The following CAPN11 variants were observed in gnomAD, a reference collection of about 807,000 sequenced individuals.
CAPN11 encodes the protein calpain 11, also known as calpain-11.
In CAPN11, 108 loss-of-function variants were observed where a neutral mutation model predicts 105.3. The observed-to-expected ratio is 1.03, with a 90% CI of 0.88 to 1.20. The LOEUF (loss-of-function observed/expected upper bound fraction) is 1.20. CAPN11 is among the 50% of genes most tolerant of loss of function. CAPN11 has a pLI of 0.00. For missense variants in CAPN11, 883 were observed against 924.8 expected (o/e 0.95, Z 0.59); for synonymous variants, 329 against 344.5 (o/e 0.96, Z 0.50).
At chr6:44,177,717 C>T in intron 12 of CAPN11, 1 of 285,724 alleles carries the variant, frequency 3.5e-6, no homozygotes, top group South Asian at 4.5e-5. Flanking sequence ...GAACTCATGA[C>T]CTCAGGTAAT....
At chr6:44,183,290 C>A in intron 21 of CAPN11, 55 bp downstream of exon 21, 2 of 1,084,186 alleles carry the variant, frequency 1.8e-6, no homozygotes, top group South Asian at 1.2e-5. Flanking sequence ...CGGGCCCTTT[C>A]CCAAACACCC....
At chr6:44,172,900 T>C in intron 5 of CAPN11, 40 bp from the exon 6 acceptor site, 1 of 1,602,146 alleles carries the variant, frequency 6.2e-7, no homozygotes, top group Non-Finnish European at 8.5e-7. Flanking sequence ...CGCTTGATGA[T>C]AGGGTTCCCA....
chr6:44,180,431 A>T (rs1296663083), intron 14 of CAPN11, 29 bp from the exon 15 acceptor site: 1 of 1,612,396 alleles, frequency 6.2e-7, no homozygotes, highest in Admixed American at 1.7e-5. Flanking sequence ...CCCCCTGGTA[A>T]CTCTTGAGCT....
intron 2 of CAPN11, among the ~76,000 whole-genome samples, chr6:44,167,187 T>C (rs1200091069): frequency 2.0e-5 from 3 of 152,038 alleles, no homozygotes; most frequent in Non-Finnish European, 4.4e-5. Flanking sequence ...CACTCCATTA[T>C]TTCCACTCTC....
In CAPN11 at chr6:44,184,319, CTGCT is replaced by C; in HGVS notation, c.*388_*391del. On this transcript the variant is annotated 3_prime_UTR_variant, in exon 23 of 23. Transcript: ENST00000398776. ...TGCTTGCTGTCCTGCTCACACCTAC[CTGCT>C]GACCACCCATCCTGGCACAGCCTCT... The C allele has an allele frequency of 4.0e-6, 1 of 252,854 alleles. No homozygotes were observed. The highest frequency in any genetic ancestry group is 7.7e-6 in the Non-Finnish European group (1 of 129,958). The allele number at this position is 252,854 out of a possible 1,614,324, so 15.7% of individuals were successfully genotyped here.
chr6:44,160,917 C>T (rs930895854), intron 1 of CAPN11, among the ~76,000 whole-genome samples: 10 of 152,174 alleles, frequency 6.6e-5, no homozygotes, highest in African/African-American at 2.2e-4. Context: ...AATTTATAAA[C>T]TAAACTTTAT....
chr6:44,184,139 T>C lies in CAPN11; in HGVS notation c.*207T>C. The C allele has an allele frequency of 6.8e-6, 4 of 586,102 alleles. No individual in the cohort carries two copies. Among genetic ancestry groups the C allele is most frequent in the Non-Finnish European group, 1.2e-5 (4 of 330,364 alleles). 36.3% of individuals were successfully genotyped at this position (586,102 alleles called of 1,614,324 possible). On this transcript the variant is annotated 3_prime_UTR_variant, in exon 23 of 23. Transcript: ENST00000398776. Reference sequence around the variant, plus strand: ...CTCCCCCAGCTCAGAGGCTTTCTCTTTTTTCCCCAACCCGGCTTCTGATGG... The same window carrying C: ...CTCCCCCAGCTCAGAGGCTTTCTCTCTTTTCCCCAACCCGGCTTCTGATGG...
At position 44,184,354 on chromosome 6, in the gene CAPN11, C is replaced by T; in HGVS notation, c.*422C>T. 4.5e-6 allele frequency: 1 copy of T among 220,202 alleles called. No individual in the cohort carries two copies. Among genetic ancestry groups the T allele is most frequent in the Middle Eastern group, 1.8e-3 (1 of 570 alleles). 13.6% of individuals were successfully genotyped at this position (220,202 alleles called of 1,614,324 possible). A position where few individuals can be genotyped will look rare whatever the true frequency, so the allele number is the denominator to read the frequency against. On this transcript the variant is annotated 3_prime_UTR_variant, in exon 23 of 23. Coordinates refer to ENST00000398776, the MANE Select transcript of CAPN11 (RefSeq NM_007058.4). ...CCCATCCTGGCACAGCCTCTGTTTTCCTCCCCATCTGTGGATACTATTCTA... is the reference window on the plus strand; with the variant it reads ...CCCATCCTGGCACAGCCTCTGTTTTTCTCCCCATCTGTGGATACTATTCTA...
chr6:44,180,409 C>A, intron 14 of CAPN11, 51 bp from the exon 15 acceptor site: 2 of 1,593,800 alleles, frequency 1.3e-6, no homozygotes, highest in South Asian at 1.1e-5. Context: ...CCACTAAAAC[C>A]CCCACCTCCC....
intron 7 of CAPN11, among the ~76,000 whole-genome samples, 169 bp downstream of exon 7, chr6:44,173,555 A>G (rs747540848): frequency 2.2e-5 from 3 of 138,940 alleles, no homozygotes; most frequent in Non-Finnish European, 4.6e-5. Flanking sequence ...TCCCCACCCT[A>G]TTTACTTTCT....
In CAPN11 at chr6:44,176,062, C is replaced by G. The variant is rs1312826256; in HGVS notation, c.832-6C>G. 3 of 1,603,560 alleles carry G rather than the reference C, an allele frequency of 1.9e-6. No homozygotes were observed. In the African/African-American group the frequency reaches 4.0e-5, roughly 21 times the overall value. On this transcript the variant is annotated splice_region_variant and splice_polypyrimidine_tract_variant and intron_variant, in intron 7 of 22. Coordinates refer to ENST00000398776, the MANE Select transcript of CAPN11 (RefSeq NM_007058.4). ...TCCATGCTCTCCCTCCCTCTCTGTT[C>G]TGTAGGTCACCAGTGATAGTGAACT...
intron 1 of CAPN11, among the ~76,000 whole-genome samples, chr6:44,165,487 G>A (rs1031775200): frequency 6.6e-6 from 1 of 152,216 alleles, no homozygotes; most frequent in African/African-American, 2.4e-5. Context: ...TCTGCACAGG[G>A]GCAGCCCCTA....
intron 3 of CAPN11, 105 bp downstream of exon 3, chr6:44,169,636 C>T: frequency 8.1e-7 from 1 of 1,229,812 alleles, no homozygotes; most frequent in Non-Finnish European, 1.1e-6. Flanking sequence ...CTACCCCATT[C>T]TGACCCTGGC....
Position 44,173,570 on chromosome 6 carries a change from G to GTT in CAPN11, c.831+192_831+193dup, listed in dbSNP as rs58916283. Among the ~76,000 whole-genome samples, 113 of 86,826 alleles carry GTT rather than the reference G, an allele frequency of 1.3e-3. 1 individual carries two copies. Among genetic ancestry groups the GTT allele is most frequent in the African/African-American group, 3.5e-3 (94 of 26,766 alleles). The allele number at this position is 86,826 out of a possible 152,430, so 57.0% of individuals were successfully genotyped here. A position where few individuals can be genotyped will look rare whatever the true frequency, so the allele number is the denominator to read the frequency against. On this transcript the variant is annotated intron_variant, in intron 7 of 22. Coordinates refer to ENST00000398776, the MANE Select transcript of CAPN11 (RefSeq NM_007058.4). ...TCCCCACCCTATTTACTTTCTTTTTGTTTTTTTTTGTTTGTTTGTTTTGTT... is the reference window on the plus strand; with the variant it reads ...TCCCCACCCTATTTACTTTCTTTTTGTTTTTTTTTTTGTTTGTTTGTTTTGTT...
chr6:44,172,305 A>ACTGCCGG lies in CAPN11; in HGVS notation c.417_418insCGGCTGC (p.Trp140ArgfsTer53), dbSNP rs1561844608. The ACTGCCGG allele has an allele frequency of 6.8e-7, 1 of 1,469,162 alleles. No homozygotes were observed. The allele number at this position is 1,469,162 out of a possible 1,614,324, so 91.0% of individuals were successfully genotyped here. Reference sequence around the variant, plus strand: ...AAAGCCCTGCCTGTCTTTCCAGGGGACTGCTGGCTGCTGGCTGCCATCGGC... The same window carrying ACTGCCGG: ...AAAGCCCTGCCTGTCTTTCCAGGGGACTGCCGGCTGCTGGCTGCTGGCTGCCATCGGC... On this transcript the variant is annotated frameshift_variant, in exon 5 of 23. Coordinates refer to ENST00000398776, the MANE Select transcript of CAPN11 (RefSeq NM_007058.4). LOFTEE classifies it high-confidence loss of function.
chr6:44,183,990 C>T lies in CAPN11; in HGVS notation c.*58C>T. On this transcript the variant is annotated 3_prime_UTR_variant, in exon 23 of 23. Transcript: ENST00000398776. ...CAGCAGCAGCAGCGAGGTTCTAGCCCAGGAGGGTGGGGTGCTTCTTGTAGC... is the reference window on the plus strand; with the variant it reads ...CAGCAGCAGCAGCGAGGTTCTAGCCTAGGAGGGTGGGGTGCTTCTTGTAGC... 6.5e-7 allele frequency: 1 copy of T among 1,543,712 alleles called. No homozygotes were observed. The highest frequency in any genetic ancestry group is 8.8e-7 in the Non-Finnish European group (1 of 1,140,534).
At chr6:44,166,979 G>A in intron 2 of CAPN11, 150 bp downstream of exon 2, 1 of 640,696 alleles carries the variant, frequency 1.6e-6, no homozygotes, top group East Asian at 2.8e-5. Flanking sequence ...CCTCAGGAAG[G>A]GATGTTGGCA....
chr6:44,177,112 G>C (rs778881683), intron 11 of CAPN11, 114 bp downstream of exon 11: 28 of 1,477,652 alleles, frequency 1.9e-5, no homozygotes, highest in African/African-American at 2.8e-5. Flanking sequence ...ATGAGGTCAA[G>C]GGTTAGTCAG....
At chr6:44,162,368 G>GACACAC (rs57009949) in intron 1 of CAPN11, among the ~76,000 whole-genome samples, 5,846 of 138,660 alleles carry the variant, frequency 0.042, 142 homozygotes, top group Middle Eastern at 0.072. Flanking sequence ...TTTGAATAAA[G>GACACAC]ACACACACAC....
Sources: gnomAD v4.1 joint callset for allele counts (sites outside exome capture counted in the v4.1 genomes callset) on GRCh38, gnomAD v4.1.1 for gene constraint, MANE v1.5 for transcripts, NCBI Gene and HGNC (gene_info 2026-07-23, HGNC 2026-07-21) for gene names.